The following DCC variants were observed in gnomAD, a reference collection of about 807,000 sequenced individuals.
DCC encodes the protein netrin receptor DCC.
Under a neutral mutation model 172.5 loss-of-function variants are expected in DCC, and 58 were observed. The ratio of observed to expected loss-of-function variants is 0.34; its 90% confidence interval spans 0.27 to 0.42. The LOEUF is 0.42. Ranked by LOEUF, DCC falls within the 10% of genes least tolerant of loss-of-function variation. The pLI is 1.00. For missense variants in DCC, 1,740 were observed against 1,791.0 expected, an observed-to-expected ratio of 0.97 and a Z score of 0.51; for synonymous variants, 709 against 644.5, an observed-to-expected ratio of 1.10 and a Z score of -1.52.
chr18:52,448,914 C>A (rs1271158154), intron 1 of DCC, among the ~76,000 whole-genome samples: 3 of 152,128 alleles, frequency 2.0e-5, no homozygotes, highest in African/African-American at 7.2e-5. Flanking sequence ...AGTTTCTTTC[C>A]TTAGAATAAT....
intron 5 of DCC, among the ~76,000 whole-genome samples, chr18:52,933,712 C>G (rs2040342309): frequency 6.6e-6 from 1 of 151,988 alleles, no homozygotes; most frequent in South Asian, 2.1e-4. Context: ...CTCTAATCTT[C>G]AATTCCTTCA....
At chr18:53,002,246 G>A (rs980882444) in intron 5 of DCC, among the ~76,000 whole-genome samples, 1 of 151,992 alleles carries the variant, frequency 6.6e-6, no homozygotes, top group South Asian at 2.1e-4. Context: ...GTGATAGACT[G>A]GCCCAAATGA....
chr18:53,196,563 C>T (rs549817204), intron 9 of DCC, among the ~76,000 whole-genome samples: 1 of 152,166 alleles, frequency 6.6e-6, no homozygotes, highest in African/African-American at 2.4e-5. Flanking sequence ...ATTTTCTTCA[C>T]AGGGAGTCAC....
At chr18:52,944,208 T>C (rs912998667) in intron 5 of DCC, among the ~76,000 whole-genome samples, 1 of 152,234 alleles carries the variant, frequency 6.6e-6, no homozygotes, top group African/African-American at 2.4e-5. Context: ...TCCCTGGTAA[T>C]GTGATGCTTA....
intron 27 of DCC, among the ~76,000 whole-genome samples, chr18:53,521,138 C>T (rs548078641): frequency 6.6e-6 from 1 of 152,208 alleles, no homozygotes; most frequent in East Asian, 1.9e-4. Context: ...AAAAGGCAGT[C>T]ATCTGAGGTT....
intron 1 of DCC, among the ~76,000 whole-genome samples, chr18:52,664,832 C>T (rs533994674): frequency 3.9e-5 from 6 of 152,218 alleles, no homozygotes; most frequent in Admixed American, 2.0e-4. Context: ...TTATATGATG[C>T]GGCCATTAAT....
intron 12 of DCC, among the ~76,000 whole-genome samples, chr18:53,281,220 A>G (rs566343708): frequency 6.6e-6 from 1 of 152,288 alleles, no homozygotes; most frequent in African/African-American, 2.4e-5. Context: ...TTTGCCATCA[A>G]CTTTCCATTT....
At chr18:52,838,835 C>T (rs987155107) in intron 2 of DCC, among the ~76,000 whole-genome samples, 4 of 151,964 alleles carry the variant, frequency 2.6e-5, no homozygotes, top group Non-Finnish European at 4.4e-5. Context: ...AAATAGTTTA[C>T]CAACACTTTG....
chr18:53,211,946 G>A (rs2144569513), intron 11 of DCC, among the ~76,000 whole-genome samples: 1 of 152,218 alleles, frequency 6.6e-6, no homozygotes, highest in East Asian at 1.9e-4. Flanking sequence ...TACTCGGAAG[G>A]CTGAGGCAGG....
intron 2 of DCC, among the ~76,000 whole-genome samples, chr18:52,880,528 C>T (rs2039469624): frequency 1.3e-5 from 2 of 152,160 alleles, no homozygotes; most frequent in African/African-American, 4.8e-5. Context: ...CTTTCCCAGC[C>T]TCTGGTAACC....
At chr18:52,415,328 G>A (rs568618663) in intron 1 of DCC, among the ~76,000 whole-genome samples, 27 of 152,256 alleles carry the variant, frequency 1.8e-4, no homozygotes, top group African/African-American at 5.8e-4. Context: ...CAAGAGTGGC[G>A]AGACACTCTG....
rs551793402 is a variant in DCC at position 53,086,946 on chromosome 18, G to A, written c.1261+20780G>A. 2.2e-3 allele frequency among the ~76,000 whole-genome samples: 333 copies of A among 151,528 alleles called. 1 individual carries two copies. The highest frequency in any genetic ancestry group is 7.9e-3 in the African/African-American group (325 of 41,220). Reference sequence around the variant, plus strand: ...GGACATGAACTCATCATTTTTTATGGGGGCATAGTATTCCATGGTGTATAT... The same window carrying A: ...GGACATGAACTCATCATTTTTTATGAGGGCATAGTATTCCATGGTGTATAT... On this transcript the variant is annotated intron_variant, in intron 7 of 28. Coordinates refer to ENST00000442544, the MANE Select transcript of DCC (RefSeq NM_005215.4).
At chr18:53,217,316 C>A (rs1471042515) in intron 12 of DCC, among the ~76,000 whole-genome samples, 3 of 60,374 alleles carry the variant, frequency 5.0e-5, no homozygotes. Context: ...TATATACACA[C>A]ACACACACAC....
Position 52,800,576 on chromosome 18 carries a change from G to A in DCC, c.412+48202G>A, listed in dbSNP as rs544485275. Among the ~76,000 whole-genome samples the A allele has an allele frequency of 5.3e-5, 8 of 152,202 alleles. No individual in the cohort carries two copies. The South Asian group carries it at 6.2e-4, about 12-fold the overall frequency. On this transcript the variant is annotated intron_variant, in intron 2 of 28. Transcript: ENST00000442544. ...CTTCTCAGTTGAAAATGGTGTTGAC[G>A]GTGAGGTTAGATGCAGATAAAAAAT...
At position 53,530,728 on chromosome 18, in the gene DCC, T is replaced by C; in HGVS notation, c.*75T>C. 2.4e-6 allele frequency: 2 copies of C among 829,454 alleles called. No homozygotes were observed. The highest frequency in any genetic ancestry group is 2.7e-5 in the South Asian group (2 of 75,148). 51.4% of individuals were successfully genotyped at this position (829,454 alleles called of 1,614,324 possible). A position where few individuals can be genotyped will look rare whatever the true frequency, so the allele number is the denominator to read the frequency against. On this transcript the variant is annotated 3_prime_UTR_variant, in exon 29 of 29. Transcript: ENST00000442544. ...ACCAATTACCCATAAACAGCACACC[T>C]GTGTCCAAGAACTCTAACCAGTGTA...
intron 5 of DCC, among the ~76,000 whole-genome samples, chr18:52,926,939 G>A (rs1207698938): frequency 1.9e-5 from 1 of 53,146 alleles, no homozygotes; most frequent in African/African-American, 5.8e-5. Flanking sequence ...ATATATAAAC[G>A]TATATGATAT....
intron 12 of DCC, among the ~76,000 whole-genome samples, chr18:53,223,310 G>T (rs941663904): frequency 6.6e-6 from 1 of 152,040 alleles, no homozygotes; most frequent in African/African-American, 2.4e-5. Flanking sequence ...TTGCACAAAG[G>T]ATTTTGACAA....
chr18:53,240,634 C>T (rs1030899120), intron 12 of DCC, among the ~76,000 whole-genome samples: 4 of 152,042 alleles, frequency 2.6e-5, no homozygotes, highest in African/African-American at 9.7e-5. Context: ...CCATTGTTTC[C>T]CTTATCTGTA....
chr18:53,530,162 G>A (rs192398718), intron 28 of DCC: 10 of 607,986 alleles, frequency 1.6e-5, no homozygotes, highest in Admixed American at 1.1e-4. Context: ...CCCTATCATG[G>A]GTACTAAACA....
Sources: gnomAD v4.1 joint callset for allele counts (sites outside exome capture counted in the v4.1 genomes callset) on GRCh38, gnomAD v4.1.1 for gene constraint, MANE v1.5 for transcripts, NCBI Gene and HGNC (gene_info 2026-07-23, HGNC 2026-07-21) for gene names.